PTPN4: variants seen among roughly 807,000 people sequenced by gnomAD.
PTPN4 encodes protein tyrosine phosphatase non-receptor type 4, also known as tyrosine-protein phosphatase non-receptor type 4.
Under a neutral mutation model 135.5 loss-of-function variants are expected in PTPN4, and 49 were observed. The observed-to-expected ratio is 0.36, with a 90% confidence interval of 0.29 to 0.46. The LOEUF is 0.46. Among genes scored for constraint, PTPN4 ranks in the 20% least tolerant of loss-of-function variants. The pLI is 1.00. For missense variants in PTPN4, 860 were observed against 1,101.0 expected (o/e 0.78, Z 3.10); for synonymous variants, 333 against 369.9 (o/e 0.90, Z 1.14).
In PTPN4 at chr2:119,957,043, G is replaced by T; in HGVS notation, c.2099G>T (p.Gly700Val). 1 of 1,610,316 alleles carries T rather than the reference G, an allele frequency of 6.2e-7. No individual in the cohort carries two copies. Among genetic ancestry groups the T allele is most frequent in the South Asian group, 1.1e-5 (1 of 90,296 alleles). The change falls in exon 22 of 27, where the codon GGT (glycine) becomes GTT (valine). Residue 700 changes from glycine to valine, a missense_variant. Gly to Val is a moderately radical substitution (Grantham distance 109). Coordinates refer to ENST00000263708, the MANE Select transcript of PTPN4 (RefSeq NM_002830.4). Reference sequence around the variant, plus strand: ...GATGCCACACGGGTCATTTTAAAAGGTAATGAAGACTACATCAATGCGAAC... The same window carrying T: ...GATGCCACACGGGTCATTTTAAAAGTTAATGAAGACTACATCAATGCGAAC... ...PYDATRVILK[G>V]NEDYINANYI...
At chr2:119,854,997 G>A (rs1160101047) in intron 2 of PTPN4, among the ~76,000 whole-genome samples, 2 of 152,144 alleles carry the variant, frequency 1.3e-5, no homozygotes, top group African/African-American at 2.4e-5. Context: ...TTTTTAGTCT[G>A]TAGATTGCTG....
Position 119,781,064 on chromosome 2 carries a change from G to GT in PTPN4, c.-18+20682dup, listed in dbSNP as rs1690927342. ...ATCTATTATTTATTTTGGAACTTAA[G>GT]TTGTTTCATATTTCCTGATAGGAGT... On this transcript the variant is annotated intron_variant, in intron 1 of 26. Coordinates refer to ENST00000263708, the MANE Select transcript of PTPN4 (RefSeq NM_002830.4). Among the ~76,000 whole-genome samples, 5 of 152,024 alleles carry GT rather than the reference G, an allele frequency of 3.3e-5. No homozygotes were observed. The South Asian group carries it at 1.0e-3, about 31-fold the overall frequency.
At chr2:119,910,601 G>C (rs1678557113) in intron 10 of PTPN4, among the ~76,000 whole-genome samples, 2 of 152,144 alleles carry the variant, frequency 1.3e-5, no homozygotes, top group African/African-American at 2.4e-5. Flanking sequence ...CATGTGTCAA[G>C]GGTGGGACCA....
At chr2:119,917,096 TATA>T (rs1198190218) in intron 11 of PTPN4, among the ~76,000 whole-genome samples, 2 of 152,158 alleles carry the variant, frequency 1.3e-5, no homozygotes, top group African/African-American at 4.8e-5. Context: ...TAATTAGACT[TATA>T]ATAATATCCC....
intron 1 of PTPN4, among the ~76,000 whole-genome samples, chr2:119,800,018 G>C (rs765064584): frequency 6.6e-6 from 1 of 152,046 alleles, no homozygotes; most frequent in African/African-American, 2.4e-5. Context: ...ATTGTGAGTC[G>C]ATACATTCTT....
Position 119,961,006 on chromosome 2 carries a change from G to A in PTPN4, c.2280+53G>A, listed in dbSNP as rs181152853. ...GCTTGGACTTTTTTCAAATTATACT[G>A]CACATATGTAGTCAAAATATTCATA... On this transcript the variant is annotated intron_variant, in intron 23 of 26. Transcript: ENST00000263708. 5.5e-4 allele frequency: 836 copies of A among 1,510,670 alleles called. 3 individuals carry two copies. The African/African-American group carries it at 0.01, about 19-fold the overall frequency. 93.6% of individuals were successfully genotyped at this position (1,510,670 alleles called of 1,614,324 possible). A position where few individuals can be genotyped will look rare whatever the true frequency, so the allele number is the denominator to read the frequency against.
chr2:119,959,533 G>A (rs1483075594), intron 22 of PTPN4, among the ~76,000 whole-genome samples: 1 of 152,234 alleles, frequency 6.6e-6, no homozygotes, highest in Non-Finnish European at 1.5e-5. Flanking sequence ...TTCAGCCCAG[G>A]AGTTTGAGAC....
chr2:119,914,393 T>C (rs1678621201), intron 10 of PTPN4, among the ~76,000 whole-genome samples: 2 of 152,038 alleles, frequency 1.3e-5, no homozygotes, highest in African/African-American at 4.8e-5. Flanking sequence ...ACATGTCTCT[T>C]CTTCCCTATT....
chr2:119,775,124 A>G (rs2104923681), intron 1 of PTPN4, among the ~76,000 whole-genome samples: 1 of 144,060 alleles, frequency 6.9e-6, no homozygotes, highest in African/African-American at 2.6e-5. Context: ...AAAAAAAAAA[A>G]AGCCACAAAG....
At chr2:119,849,362 TG>T (rs1342826800) in intron 2 of PTPN4, among the ~76,000 whole-genome samples, 1 of 152,148 alleles carries the variant, frequency 6.6e-6, no homozygotes, top group Non-Finnish European at 1.5e-5. Flanking sequence ...GTGCAGTGGT[TG>T]TGATCATGGT....
At chr2:119,953,292 G>C (rs904114714) in intron 19 of PTPN4, among the ~76,000 whole-genome samples, 11 of 152,206 alleles carry the variant, frequency 7.2e-5, no homozygotes, top group African/African-American at 2.6e-4. Context: ...AATATCATTC[G>C]AATTCTACTT....
rs989689362 is a variant in PTPN4, at chr2:119,809,994, A to G, written c.138+3A>G. The G allele has an allele frequency of 1.2e-6, 2 of 1,602,928 alleles. No individual in the cohort carries two copies. The highest frequency in any genetic ancestry group is 1.8e-5 in the Admixed American group (1 of 56,830). ...CTGTACAAGCTTTCAAAGTCAATGT[A>G]AGTATTTTGTGTCTTTTAAAAAATA... On this transcript the variant is annotated splice_donor_region_variant and intron_variant, in intron 2 of 26. Coordinates refer to ENST00000263708, the MANE Select transcript of PTPN4 (RefSeq NM_002830.4).
intron 10 of PTPN4, 62 bp downstream of exon 10, chr2:119,900,868 T>G: frequency 1.0e-6 from 1 of 968,364 alleles, no homozygotes; most frequent in South Asian, 1.9e-5. Flanking sequence ...ATAATTTATA[T>G]TAAAGGCAGT....
intron 9 of PTPN4, among the ~76,000 whole-genome samples, chr2:119,892,335 T>C (rs1678252539): frequency 6.6e-6 from 1 of 152,198 alleles, no homozygotes. Context: ...TACGTGTATG[T>C]ATGTGTGTAA....
chr2:119,900,256 C>T (rs1481265091), intron 9 of PTPN4, among the ~76,000 whole-genome samples: 4 of 152,076 alleles, frequency 2.6e-5, no homozygotes, highest in Non-Finnish European at 5.9e-5. Context: ...TATAGGACGT[C>T]TCATTATGTT....
At chr2:119,812,707 G>A (rs1032035889) in intron 2 of PTPN4, among the ~76,000 whole-genome samples, 1 of 152,120 alleles carries the variant, frequency 6.6e-6, no homozygotes, top group Non-Finnish European at 1.5e-5. Context: ...CTCTCATGCC[G>A]TGAATTCATT....
chr2:119,919,198 A>G (rs1254561015), intron 11 of PTPN4, among the ~76,000 whole-genome samples: 8 of 152,170 alleles, frequency 5.3e-5, no homozygotes, highest in Admixed American at 5.2e-4. Context: ...TGGGATGTGA[A>G]TGTTGCTATA....
intron 1 of PTPN4, among the ~76,000 whole-genome samples, chr2:119,808,108 C>A (rs1299827105): frequency 2.0e-5 from 3 of 151,850 alleles, no homozygotes; most frequent in Non-Finnish European, 4.4e-5. Flanking sequence ...GACAAACCCA[C>A]AGCCAATATC....
At chr2:119,906,000 G>C (rs577851784) in intron 10 of PTPN4, among the ~76,000 whole-genome samples, 14 of 152,202 alleles carry the variant, frequency 9.2e-5, no homozygotes, top group African/African-American at 3.1e-4. Flanking sequence ...GCTTACATCA[G>C]AAAAGTAGAA....
Sources: allele counts gnomAD v4.1 joint callset (sites outside exome capture counted in the v4.1 genomes callset), GRCh38; gene constraint gnomAD v4.1.1; transcripts MANE v1.5; gene names NCBI Gene and HGNC (gene_info 2026-07-23, HGNC 2026-07-21).